PCCA: variants seen among roughly 807,000 people sequenced by gnomAD.
PCCA encodes propionyl-CoA carboxylase subunit alpha.
A neutral mutation model predicts 101.3 loss-of-function variants in PCCA; 74 were observed. The observed-to-expected ratio is 0.73, with a 90% CI of 0.61 to 0.89. The LOEUF (loss-of-function observed/expected upper bound fraction) is 0.89, where lower values mean the gene tolerates loss of function less well. PCCA is among the 40% of genes least tolerant of loss of function. The probability of loss-of-function intolerance (pLI) is 0.00; values close to 1 mark genes in which losing one functional copy is unlikely to be tolerated. For missense variants in PCCA, 891 were observed against 907.0 expected (o/e 0.98, Z 0.23); for synonymous variants, 294 against 313.6 (o/e 0.94, Z 0.66).
chr13:100,515,805 A>G (rs1281625506), intron 22 of PCCA, among the ~76,000 whole-genome samples: 1 of 152,268 alleles, frequency 6.6e-6, no homozygotes, highest in Non-Finnish European at 1.5e-5. Context: ...AAAGAAGGCC[A>G]GATGCATTCC....
chr13:100,454,774 C>G (rs2081587724), intron 21 of PCCA, among the ~76,000 whole-genome samples: 1 of 152,120 alleles, frequency 6.6e-6, no homozygotes, highest in South Asian at 2.1e-4. Flanking sequence ...TACTGTTCAA[C>G]TTAGAGAAAA....
intron 12 of PCCA, among the ~76,000 whole-genome samples, chr13:100,277,963 C>T (rs960684761): frequency 2.0e-5 from 3 of 152,076 alleles, no homozygotes; most frequent in African/African-American, 7.2e-5. Context: ...TATCTAGATG[C>T]ATTTTGAGAC....
At chr13:100,326,625 C>G (rs2152726048) in intron 16 of PCCA, among the ~76,000 whole-genome samples, 1 of 152,204 alleles carries the variant, frequency 6.6e-6, no homozygotes, top group East Asian at 1.9e-4. Flanking sequence ...CCTTCCACCT[C>G]CTCCACCTCT....
At chr13:100,167,924 A>T (rs1448121378) in intron 6 of PCCA, among the ~76,000 whole-genome samples, 1 of 152,024 alleles carries the variant, frequency 6.6e-6, no homozygotes, top group African/African-American at 2.4e-5. Flanking sequence ...CCACCACCAC[A>T]ACTGGCTAGA....
chr13:100,511,964 T>C (rs1460003588), intron 21 of PCCA, among the ~76,000 whole-genome samples: 1 of 152,212 alleles, frequency 6.6e-6, no homozygotes, highest in Non-Finnish European at 1.5e-5. Flanking sequence ...TGGGTCATTC[T>C]TTGCTGTCTT....
At chr13:100,119,464 G>A (rs2049149888) in intron 4 of PCCA, among the ~76,000 whole-genome samples, 1 of 152,078 alleles carries the variant, frequency 6.6e-6, no homozygotes. Flanking sequence ...TCACTCATCT[G>A]GGACTAATTT....
At chr13:100,309,794 T>G in intron 15 of PCCA, 39 bp from the exon 16 acceptor site, 1 of 1,058,258 alleles carries the variant, frequency 9.4e-7, no homozygotes, top group Admixed American at 1.9e-5. Flanking sequence ...TAGTTCTAAA[T>G]ATATATATAT....
intron 21 of PCCA, among the ~76,000 whole-genome samples, chr13:100,493,035 C>G (rs2085015374): frequency 6.6e-6 from 1 of 152,144 alleles, no homozygotes; most frequent in Admixed American, 6.5e-5. Context: ...AGGGCTGTCA[C>G]CCTTATTCTC....
At chr13:100,414,878 T>G (rs1467553969) in intron 19 of PCCA, among the ~76,000 whole-genome samples, 1 of 152,222 alleles carries the variant, frequency 6.6e-6, no homozygotes, top group African/African-American at 2.4e-5. Flanking sequence ...TAAAACAGTC[T>G]TGCAAATATG....
At chr13:100,512,923 T>G (rs1327530762) in intron 21 of PCCA, among the ~76,000 whole-genome samples, 1 of 152,264 alleles carries the variant, frequency 6.6e-6, no homozygotes, top group Non-Finnish European at 1.5e-5. Flanking sequence ...GCATTGGCTC[T>G]CTGTGCCCCC....
chr13:100,464,897 A>T (rs1348284679), intron 21 of PCCA, among the ~76,000 whole-genome samples: 1 of 152,120 alleles, frequency 6.6e-6, no homozygotes, highest in East Asian at 1.9e-4. Flanking sequence ...TGCCTATGAG[A>T]TGTTCTTTCT....
At chr13:100,192,929 C>T (rs922088833) in intron 6 of PCCA, among the ~76,000 whole-genome samples, 4 of 151,992 alleles carry the variant, frequency 2.6e-5, no homozygotes, top group Non-Finnish European at 5.9e-5. Flanking sequence ...TTTTTTGGTA[C>T]ATGTGTTGTT....
chr13:100,304,147 T>C (rs1328448801), intron 14 of PCCA, among the ~76,000 whole-genome samples: 4 of 152,242 alleles, frequency 2.6e-5, no homozygotes, highest in African/African-American at 9.6e-5. Context: ...CTATACCCCC[T>C]ACAGTCTTCA....
At chr13:100,527,833 G>A (rs2087979257) in intron 23 of PCCA, 81 bp downstream of exon 23, 2 of 1,065,296 alleles carry the variant, frequency 1.9e-6, no homozygotes, top group Non-Finnish European at 1.5e-6. Flanking sequence ...TGGTTTGGCT[G>A]GAAAGGGCCA....
At chr13:100,137,255 C>T (rs892924868) in intron 4 of PCCA, among the ~76,000 whole-genome samples, 2 of 152,006 alleles carry the variant, frequency 1.3e-5, no homozygotes, top group African/African-American at 2.4e-5. Context: ...GTGTTAAGTT[C>T]ATTTTCTGAT....
At position 100,155,181 on chromosome 13, in the gene PCCA, G is replaced by C. The variant is rs1339637992; in HGVS notation, c.414+89G>C. On this transcript the variant is annotated intron_variant, in intron 5 of 23. Transcript: ENST00000376285. ...TGTATTTAAAAAAAAAAATAGGAAAGAATGATTGAAAATGCTGTTGCAGTT... is the reference window on the plus strand; with the variant it reads ...TGTATTTAAAAAAAAAAATAGGAAACAATGATTGAAAATGCTGTTGCAGTT... 1.1e-5 allele frequency: 10 copies of C among 876,210 alleles called. No individual in the cohort carries two copies. The South Asian group carries it at 1.4e-4, about 12-fold the overall frequency. 54.3% of individuals were successfully genotyped at this position (876,210 alleles called of 1,614,324 possible).
chr13:100,435,484 T>G (rs967595816), intron 20 of PCCA, among the ~76,000 whole-genome samples: 16 of 152,224 alleles, frequency 1.1e-4, no homozygotes, highest in Non-Finnish European at 1.5e-4. Context: ...GCAACTTACC[T>G]TTGCTTCAGG....
Position 100,264,031 on chromosome 13 carries a change from A to G in PCCA, c.819+1200A>G, listed in dbSNP as rs1053341617. 2.0e-5 allele frequency among the ~76,000 whole-genome samples: 3 copies of G among 148,562 alleles called. No individual in the cohort carries two copies. The East Asian group carries it at 5.9e-4, about 29-fold the overall frequency. On this transcript the variant is annotated intron_variant, in intron 10 of 23. Transcript: ENST00000376285. The stretch of plus-strand genomic sequence containing the variant: ...TATATATACGGTATCTGTATATCGT[A>G]TATATACGGTATCTGTATATCGTAT...
At chr13:100,105,314 T>C (rs2047647853) in intron 2 of PCCA, among the ~76,000 whole-genome samples, 1 of 152,200 alleles carries the variant, frequency 6.6e-6, no homozygotes, top group African/African-American at 2.4e-5. Context: ...TAGTTTAATT[T>C]AAAATCTTCA....
Sources: allele counts gnomAD v4.1 joint callset (sites outside exome capture counted in the v4.1 genomes callset), GRCh38; gene constraint gnomAD v4.1.1; transcripts MANE v1.5; gene names NCBI Gene and HGNC (gene_info 2026-07-23, HGNC 2026-07-21).